SLC2A9: variants seen among roughly 807,000 people sequenced by gnomAD.
SLC2A9 encodes the protein solute carrier family 2 member 9.
A neutral mutation model predicts 50.6 loss-of-function variants in SLC2A9; 39 were observed. That is an observed-to-expected ratio of 0.77 (90% CI 0.60 to 1.01). The LOEUF (loss-of-function observed/expected upper bound fraction) is 1.01. Among genes scored for constraint, SLC2A9 ranks in the 50% least tolerant of loss-of-function variants. SLC2A9 has a pLI of 0.00. For synonymous variants in SLC2A9, 324 were observed against 276.9 expected (o/e 1.17, Z -1.69); for missense variants, 686 against 677.6 (o/e 1.01, Z -0.14).
intron 3 of SLC2A9, among the ~76,000 whole-genome samples, chr4:9,819,620 C>T: frequency 6.6e-6 from 1 of 152,256 alleles, no homozygotes; most frequent in South Asian, 2.1e-4. Flanking sequence ...CAGCCTGTAG[C>T]TTGTCTTTTC....
At chr4:10,014,817 G>A (rs1368181964) in intron 2 of SLC2A9, among the ~76,000 whole-genome samples, 1 of 152,156 alleles carries the variant, frequency 6.6e-6, no homozygotes, top group East Asian at 1.9e-4. Context: ...CAACACCCAG[G>A]GAAGGGCACT....
At chr4:9,936,980 G>A (rs1045430004) in intron 6 of SLC2A9, among the ~76,000 whole-genome samples, 2 of 152,188 alleles carry the variant, frequency 1.3e-5, no homozygotes, top group African/African-American at 4.8e-5. Context: ...GCTCTGAATG[G>A]TAAAGAAATG....
chr4:9,948,650 C>T (rs1749646835), intron 5 of SLC2A9, among the ~76,000 whole-genome samples: 1 of 152,202 alleles, frequency 6.6e-6, no homozygotes, highest in Non-Finnish European at 1.5e-5. Flanking sequence ...TTCTGTTCCC[C>T]CACCTCCAAA....
chr4:9,789,690 T>A (rs1719661508), intron 3 of SLC2A9, among the ~76,000 whole-genome samples: 1 of 152,252 alleles, frequency 6.6e-6, no homozygotes, highest in African/African-American at 2.4e-5. Flanking sequence ...TGAGTACCCC[T>A]ACTCACAAGA....
intron 1 of SLC2A9, among the ~76,000 whole-genome samples, chr4:10,032,898 C>A (rs775971398): frequency 6.6e-6 from 1 of 152,158 alleles, no homozygotes; most frequent in Non-Finnish European, 1.5e-5. Flanking sequence ...GTTATGTAAC[C>A]AAGCTGAGTC....
chr4:9,985,495 T>C (rs1057222150), intron 4 of SLC2A9, among the ~76,000 whole-genome samples, 174 bp downstream of exon 4: 9 of 152,116 alleles, frequency 5.9e-5, no homozygotes, highest in African/African-American at 1.9e-4. Context: ...ATGAATGGGA[T>C]GGTTCATCCC....
chr4:9,821,357 T>C (rs963880740), downstream of SLC2A9, among the ~76,000 whole-genome samples: 3 of 151,912 alleles, frequency 2.0e-5, no homozygotes, highest in Non-Finnish European at 2.9e-5. Flanking sequence ...TTTGGATGGA[T>C]GAAGCTGGAA....
intron 2 of SLC2A9, among the ~76,000 whole-genome samples, chr4:10,002,027 G>A (rs999799215): frequency 3.9e-5 from 6 of 152,256 alleles, no homozygotes; most frequent in African/African-American, 1.4e-4. Flanking sequence ...ATGGGGCTGA[G>A]GAGGATTCTC....
chr4:9,858,592 C>A (rs940222636), intron 10 of SLC2A9, among the ~76,000 whole-genome samples: 3 of 152,120 alleles, frequency 2.0e-5, no homozygotes, highest in Admixed American at 6.5e-5. Context: ...TTAATAGTCA[C>A]GTCAGGATGT....
intron 6 of SLC2A9, among the ~76,000 whole-genome samples, chr4:9,940,599 C>A (rs943144286): frequency 1.3e-5 from 2 of 152,176 alleles, no homozygotes; most frequent in African/African-American, 2.4e-5. Context: ...TCTCTATAAA[C>A]CAAAACCCAC....
rs533695924 is a variant in SLC2A9 at position 9,988,405 on chromosome 4, G to A, written c.411-2612C>T. On this transcript the variant is annotated intron_variant, in intron 3 of 11. Coordinates refer to ENST00000264784, the MANE Select transcript of SLC2A9 (RefSeq NM_020041.3). ...GAATGTTAAAATTATATGAAAGTCT[G>A]ACTTGAAACATGTGCAAACGGGAGT... Among the ~76,000 whole-genome samples the A allele has an allele frequency of 2.6e-5, 4 of 152,320 alleles. No homozygotes were observed. In the East Asian group the frequency reaches 5.8e-4, roughly 22 times the overall value.
At chr4:9,944,226 A>T (rs1474478267) in intron 5 of SLC2A9, among the ~76,000 whole-genome samples, 1 of 152,214 alleles carries the variant, frequency 6.6e-6, no homozygotes, top group East Asian at 1.9e-4. Context: ...CCTTGAGCAG[A>T]GGTCAGGTCA....
chr4:9,849,292 T>G (rs529623291), intron 10 of SLC2A9, among the ~76,000 whole-genome samples: 1 of 152,282 alleles, frequency 6.6e-6, no homozygotes, highest in East Asian at 1.9e-4. Context: ...GGAGGCAGAC[T>G]GGGACACTGG....
At chr4:9,795,379 G>A (rs1001695492), downstream of SLC2A9, among the ~76,000 whole-genome samples, 3 of 152,160 alleles carry the variant, frequency 2.0e-5, no homozygotes, top group Non-Finnish European at 4.4e-5. Flanking sequence ...ACTGAGCAGT[G>A]AGAAAACTTG....
intron 1 of SLC2A9, among the ~76,000 whole-genome samples, chr4:10,030,637 G>A (rs1763913523): frequency 1.3e-5 from 2 of 152,078 alleles, no homozygotes; most frequent in Non-Finnish European, 2.9e-5. Context: ...TGAACCTATC[G>A]TAAAGCTCCT....
chr4:9,900,876 T>G (rs1739473413), intron 8 of SLC2A9, among the ~76,000 whole-genome samples: 1 of 152,112 alleles, frequency 6.6e-6, no homozygotes, highest in Non-Finnish European at 1.5e-5. Context: ...GAGAACAGCA[T>G]GAGGGTAACT....
At chr4:10,018,275 T>C (rs1762942268) in intron 2 of SLC2A9, among the ~76,000 whole-genome samples, 1 of 152,214 alleles carries the variant, frequency 6.6e-6, no homozygotes, top group South Asian at 2.1e-4. Context: ...CCGGGCACAG[T>C]GGCTCAAGCC....
rs145598632 is a variant in SLC2A9, at chr4:9,848,450, C to T, written c.1292-13442G>A. Among the ~76,000 whole-genome samples the T allele has an allele frequency of 2.6e-3, 391 of 152,222 alleles. 1 individual carries two copies. Among genetic ancestry groups the T allele is most frequent in the African/African-American group, 8.9e-3 (370 of 41,538 alleles). On this transcript the variant is annotated intron_variant, in intron 10 of 11. Transcript: ENST00000264784. ...TAGGCAAAAGGGGCAGGTCCCTCCA[C>T]CACTACCTTATTCTCGATCACAGCC...
intron 3 of SLC2A9, among the ~76,000 whole-genome samples, chr4:9,992,311 T>G (rs1039768859): frequency 6.6e-6 from 1 of 152,260 alleles, no homozygotes; most frequent in African/African-American, 2.4e-5. Context: ...AGTGTTAGAA[T>G]GTTATTTGCC....
Sources: gnomAD v4.1 joint callset for allele counts (sites outside exome capture counted in the v4.1 genomes callset) on GRCh38, gnomAD v4.1.1 for gene constraint, MANE v1.5 for transcripts, NCBI Gene and HGNC (gene_info 2026-07-23, HGNC 2026-07-21) for gene names.